The following MAPRE2 variants were observed in gnomAD, a reference collection of about 807,000 sequenced individuals.
MAPRE2 encodes microtubule associated protein RP/EB family member 2.
In MAPRE2, 13 loss-of-function variants were observed where a neutral mutation model predicts 43.2. The observed-to-expected ratio is 0.30, with a 90% CI of 0.20 to 0.48. The LOEUF is 0.48. MAPRE2 is among the 20% of genes least tolerant of loss of function. MAPRE2 has a pLI of 0.99. For missense variants in MAPRE2, 161 were observed against 400.2 expected (o/e 0.40, Z 5.10); for synonymous variants, 135 against 148.8 (o/e 0.91, Z 0.68).
intron 1 of MAPRE2, 22 bp downstream of exon 1, chr18:35,041,683 C>T (rs1386060255): frequency 6.2e-7 from 1 of 1,613,984 alleles, no homozygotes. Context: ...GGCACGAGAG[C>T]AGCGCCGGGG....
At chr18:35,035,223 GA>G (rs1433790304) in intron 2 of MAPRE2, among the ~76,000 whole-genome samples, 1 of 152,002 alleles carries the variant, frequency 6.6e-6, no homozygotes, top group African/African-American at 2.4e-5. Flanking sequence ...GGACATGGAT[GA>G]AATTGGAAAT....
At chr18:35,108,838 A>G (rs1392456068) in intron 4 of MAPRE2, among the ~76,000 whole-genome samples, 1 of 151,668 alleles carries the variant, frequency 6.6e-6, no homozygotes, top group Non-Finnish European at 1.5e-5. Flanking sequence ...CTTTCTTGTA[A>G]ATATATTTAA....
chr18:35,140,392 C>T lies in MAPRE2; in HGVS notation c.*23C>T. On this transcript the variant is annotated 3_prime_UTR_variant, in exon 7 of 7. Transcript: ENST00000300249. ...TGACCCACCCCGGCTGCTCTTGACACTTCCATTGTGTGTGGGAACGTTTCT... is the reference window on the plus strand; with the variant it reads ...TGACCCACCCCGGCTGCTCTTGACATTTCCATTGTGTGTGGGAACGTTTCT... 1 of 1,594,188 alleles carries T rather than the reference C, an allele frequency of 6.3e-7. No individual in the cohort carries two copies. The highest frequency in any genetic ancestry group is 8.5e-7 in the Non-Finnish European group (1 of 1,169,656).
chr18:35,090,922 C>T (rs960754189), intron 2 of MAPRE2, among the ~76,000 whole-genome samples: 1 of 151,932 alleles, frequency 6.6e-6, no homozygotes, highest in African/African-American at 2.4e-5. Flanking sequence ...ATGCTGATAC[C>T]AAACTATCTG....
rs73424656 is a variant in MAPRE2, at chr18:35,030,135, C to T, written c.-8+24582C>T. On this transcript the variant is annotated intron_variant, in intron 2 of 7. Transcript: ENST00000413393. Reference sequence around the variant, plus strand: ...CTAGCATTTCTTCCTCCTTCCCCCTCCCTTTTTCTTAACCATAATTTACAG... The same window carrying T: ...CTAGCATTTCTTCCTCCTTCCCCCTTCCTTTTTCTTAACCATAATTTACAG... Among the ~76,000 whole-genome samples the T allele has an allele frequency of 1.1e-3, 161 of 152,298 alleles. 1 individual carries two copies. Among genetic ancestry groups the T allele is most frequent in the African/African-American group, 3.8e-3 (156 of 41,552 alleles).
chr18:34,992,998 G>C (rs902058041), intron 1 of MAPRE2, among the ~76,000 whole-genome samples: 2 of 152,184 alleles, frequency 1.3e-5, no homozygotes, highest in Admixed American at 6.5e-5. Flanking sequence ...ACCACTGATG[G>C]AGCCCAGGAG....
intron 4 of MAPRE2, among the ~76,000 whole-genome samples, chr18:35,122,543 T>G (rs183413551): frequency 6.6e-6 from 1 of 152,380 alleles, no homozygotes; most frequent in East Asian, 1.9e-4. Context: ...TATCAAATAC[T>G]AGTTACCTAA....
chr18:35,006,366 T>C (rs1037398376), intron 2 of MAPRE2, among the ~76,000 whole-genome samples: 1 of 152,216 alleles, frequency 6.6e-6, no homozygotes, highest in Non-Finnish European at 1.5e-5. Flanking sequence ...TGGGGACGTA[T>C]GTGTTTTCTT....
intron 2 of MAPRE2, among the ~76,000 whole-genome samples, chr18:35,085,671 G>A (rs936531413): frequency 6.6e-6 from 1 of 152,182 alleles, no homozygotes; most frequent in Non-Finnish European, 1.5e-5. Flanking sequence ...ATGAAGATGA[G>A]CATCATTGTC....
chr18:35,115,039 A>G (rs1909350052), intron 4 of MAPRE2, among the ~76,000 whole-genome samples: 1 of 152,080 alleles, frequency 6.6e-6, no homozygotes, highest in Non-Finnish European at 1.5e-5. Flanking sequence ...TGCTTAGTAT[A>G]TTGGGCAGGA....
At chr18:35,134,667 C>A (rs1423163499) in intron 6 of MAPRE2, among the ~76,000 whole-genome samples, 1 of 152,166 alleles carries the variant, frequency 6.6e-6, no homozygotes, top group East Asian at 1.9e-4. Flanking sequence ...GTTGAACACG[C>A]CCTGTGTGTG....
chr18:35,101,104 G>GT (rs1181434273), intron 3 of MAPRE2, among the ~76,000 whole-genome samples: 1 of 152,198 alleles, frequency 6.6e-6, no homozygotes, highest in African/African-American at 2.4e-5. Flanking sequence ...CCAGGCGTCT[G>GT]TTTTTCCAGA....
At chr18:35,050,959 A>T (rs1459949721) in intron 1 of MAPRE2, among the ~76,000 whole-genome samples, 1 of 152,226 alleles carries the variant, frequency 6.6e-6, no homozygotes, top group Non-Finnish European at 1.5e-5. Context: ...TATCCTCAGT[A>T]TAGGGACCTG....
intron 2 of MAPRE2, among the ~76,000 whole-genome samples, chr18:35,079,177 A>G (rs1258023446): frequency 6.6e-6 from 1 of 152,092 alleles, no homozygotes; most frequent in Non-Finnish European, 1.5e-5. Context: ...TCCTTTTCTT[A>G]TTTTTATCCC....
In MAPRE2 at chr18:35,031,848, A is replaced by T. The variant is rs1473808341; in HGVS notation, c.-8+26295A>T. Reference sequence around the variant, plus strand: ...TGTTGGTTTTGAAGAGGCTTTCTTCATCTGGAGGAAAACATTATTCACCAA... The same window carrying T: ...TGTTGGTTTTGAAGAGGCTTTCTTCTTCTGGAGGAAAACATTATTCACCAA... On this transcript the variant is annotated intron_variant, in intron 2 of 7. Transcript: ENST00000413393. Among the ~76,000 whole-genome samples, 6 of 152,230 alleles carry T rather than the reference A, an allele frequency of 3.9e-5. No homozygotes were observed. The East Asian group carries it at 1.2e-3, about 29-fold the overall frequency.
intron 1 of MAPRE2, among the ~76,000 whole-genome samples, chr18:35,068,091 C>T (rs557643306): frequency 2.6e-5 from 4 of 152,132 alleles, no homozygotes; most frequent in African/African-American, 9.6e-5. Flanking sequence ...CTAAATGAAA[C>T]CTTCATTTAG....
At chr18:35,086,366 T>A (rs1907879848) in intron 2 of MAPRE2, among the ~76,000 whole-genome samples, 1 of 151,932 alleles carries the variant, frequency 6.6e-6, no homozygotes, top group African/African-American at 2.4e-5. Flanking sequence ...ATATACACAT[T>A]GTATATATGT....
intron 6 of MAPRE2, among the ~76,000 whole-genome samples, chr18:35,133,980 A>T (rs1910279203): frequency 6.6e-6 from 1 of 152,210 alleles, no homozygotes; most frequent in Non-Finnish European, 1.5e-5. Flanking sequence ...CATGCAACTA[A>T]AATGCAAGCA....
rs748365855 is a variant in MAPRE2 at position 35,126,983 on chromosome 18, T to C, written c.646T>C (p.Ser216Pro). Residue 216 changes from serine to proline, a missense_variant, in exon 5 of 7, where the codon TCC (serine) becomes CCC (proline). Physicochemically the swap from Ser to Pro is moderately conservative, Grantham distance 74. Transcript: ENST00000300249. ...ATCAAGTCCAGCAGCTAAACCAGGATCCACACCTTCTCGACCCTCATCAGC... is the reference window on the plus strand; with the variant it reads ...ATCAAGTCCAGCAGCTAAACCAGGACCCACACCTTCTCGACCCTCATCAGC... ...AKSSPAAKPGSTPSRPSSAKR... is the reference protein window; with the variant it reads ...AKSSPAAKPGPTPSRPSSAKR... 8.1e-6 allele frequency: 13 copies of C among 1,614,048 alleles called. No homozygotes were observed. The Admixed American group carries it at 1.7e-4, about 21-fold the overall frequency.
Sources: gnomAD v4.1 joint callset for allele counts (sites outside exome capture counted in the v4.1 genomes callset) on GRCh38, gnomAD v4.1.1 for gene constraint, MANE v1.5 for transcripts, NCBI Gene and HGNC (gene_info 2026-07-23, HGNC 2026-07-21) for gene names.